Variants in ARHGAP39 observed in about 807,000 individuals in gnomAD.
ARHGAP39 encodes the protein Rho GTPase activating protein 39.
A neutral mutation model predicts 106.9 loss-of-function variants in ARHGAP39; 44 were observed. The ratio of observed to expected loss-of-function variants is 0.41; its 90% confidence interval spans 0.32 to 0.53. ARHGAP39 has a LOEUF of 0.53. ARHGAP39 is among the 20% of genes least tolerant of loss of function. The probability of loss-of-function intolerance (pLI) is 0.21; values close to 1 mark genes in which losing one functional copy is unlikely to be tolerated. For missense variants in ARHGAP39, 1,496 were observed against 1,577.3 expected (o/e 0.95, Z 0.87); for synonymous variants, 768 against 693.2 (o/e 1.11, Z -1.69).
At chr8:144,549,706 G>T (rs955623237) in intron 4 of ARHGAP39, among the ~76,000 whole-genome samples, 6 of 152,098 alleles carry the variant, frequency 3.9e-5, no homozygotes, top group African/African-American at 1.2e-4. Context: ...TGTTGGCCAG[G>T]CTGGTCCCGA....
At chr8:144,565,634 G>C in intron 3 of ARHGAP39, among the ~76,000 whole-genome samples, 1 of 152,080 alleles carries the variant, frequency 6.6e-6, no homozygotes, top group Non-Finnish European at 1.5e-5. Flanking sequence ...GGTGCAGTGA[G>C]CTGAGATTGC....
rs756409961 is a variant in ARHGAP39 at position 144,530,393 on chromosome 8, G to A, written c.*29C>T. On this transcript the variant is annotated 3_prime_UTR_variant, in exon 12 of 12. Coordinates refer to ENST00000377307, the MANE Select transcript of ARHGAP39 (RefSeq NM_025251.3). ...AGTTCGGCCTGGCTGGGGGCGGCAG[G>A]ACATCCCTCCTGTCCCCGGGCGCCC... 9 of 1,565,756 alleles carry A rather than the reference G, an allele frequency of 5.7e-6. No homozygotes were observed. The highest frequency in any genetic ancestry group is 1.8e-4 in the Middle Eastern group (1 of 5,680).
At chr8:144,616,536 C>T (rs1430214599) in intron 1 of ARHGAP39, among the ~76,000 whole-genome samples, 1 of 152,212 alleles carries the variant, frequency 6.6e-6, no homozygotes, top group Non-Finnish European at 1.5e-5. Flanking sequence ...TGACCCCCTC[C>T]AAGCTGAGCC....
chr8:144,545,276 G>A lies in ARHGAP39; in HGVS notation c.2494C>T (p.His832Tyr). ...HSYLEGYIYRHMDPVNDTKVT... is the reference protein window; with the variant it reads ...HSYLEGYIYRYMDPVNDTKVT... ...TTAGTGTCATTGACGGGGTCCATGTGCCGGTAGATGTAGCCTTCCAGGTAG... is the reference window on the plus strand; with the variant it reads ...TTAGTGTCATTGACGGGGTCCATGTACCGGTAGATGTAGCCTTCCAGGTAG... The change falls in exon 6 of 12, where the codon CAC becomes TAC. Residue 832 changes from histidine to tyrosine, a missense_variant. His to Tyr is a moderately conservative substitution (Grantham distance 83). Transcript: ENST00000377307. 1 of 1,556,634 alleles carries A rather than the reference G, an allele frequency of 6.4e-7. No individual in the cohort carries two copies. Among genetic ancestry groups the A allele is most frequent in the Non-Finnish European group, 8.7e-7 (1 of 1,145,382 alleles).
intron 2 of ARHGAP39, among the ~76,000 whole-genome samples, chr8:144,597,614 T>G (rs1819670647): frequency 1.3e-5 from 2 of 152,168 alleles, no homozygotes; most frequent in South Asian, 4.1e-4. Flanking sequence ...GGGTCAAGAC[T>G]GTAATCAATG....
intron 1 of ARHGAP39, among the ~76,000 whole-genome samples, chr8:144,669,556 C>CA (rs1432579212): frequency 7.3e-6 from 1 of 137,320 alleles, no homozygotes; most frequent in African/African-American, 2.8e-5. Context: ...TTATGTACTG[C>CA]AAAAAATAAA....
intron 1 of ARHGAP39, among the ~76,000 whole-genome samples, chr8:144,655,138 A>AG (rs1198942966): frequency 6.6e-6 from 1 of 152,146 alleles, no homozygotes; most frequent in Non-Finnish European, 1.5e-5. Context: ...CCTGAGTGGA[A>AG]GGGGGCAGGT....
chr8:144,548,670 CTG>C lies in ARHGAP39; in HGVS notation c.597-183_597-182del, dbSNP rs1179242166. On this transcript the variant is annotated intron_variant, in intron 4 of 11. Transcript: ENST00000377307. This position sits in a 1 kb window ranked among gnomAD's most constrained non-coding sequence, Gnocchi z 7.4. ...TGCCCCAGCACCCCCAGCCCTCCCT[CTG>C]GGGCTCTCCTGGAGCTGCCGCCCAC... Among the ~76,000 whole-genome samples the C allele has an allele frequency of 1.2e-4, 18 of 152,336 alleles. No individual in the cohort carries two copies. The highest frequency in any genetic ancestry group is 2.1e-4 in the South Asian group (1 of 4,832).
chr8:144,537,204 G>A (rs1242413694), intron 7 of ARHGAP39, among the ~76,000 whole-genome samples: 1 of 152,046 alleles, frequency 6.6e-6, no homozygotes, highest in Non-Finnish European at 1.5e-5. Context: ...TGGTGGGGAG[G>A]GTGGGGAAGC....
intron 1 of ARHGAP39, among the ~76,000 whole-genome samples, chr8:144,629,147 G>T (rs778968114): frequency 6.6e-6 from 1 of 152,206 alleles, no homozygotes; most frequent in Non-Finnish European, 1.5e-5. Flanking sequence ...TCAGCTACAT[G>T]AGTTGCAAAC....
intron 1 of ARHGAP39, among the ~76,000 whole-genome samples, chr8:144,619,058 G>A (rs1820714055): frequency 6.6e-6 from 1 of 152,128 alleles, no homozygotes; most frequent in Admixed American, 6.5e-5. Flanking sequence ...AGCAGGACAG[G>A]CCCAGAGAGC....
intron 1 of ARHGAP39, among the ~76,000 whole-genome samples, chr8:144,621,900 C>T (rs1820816775): frequency 6.6e-6 from 1 of 152,222 alleles, no homozygotes; most frequent in Admixed American, 6.5e-5. Flanking sequence ...AAGATGTGGT[C>T]GGCTCAGTGC....
At chr8:144,572,358 C>G (rs1248472784) in intron 3 of ARHGAP39, among the ~76,000 whole-genome samples, 3 of 152,104 alleles carry the variant, frequency 2.0e-5, no homozygotes, top group African/African-American at 7.2e-5. Flanking sequence ...ACAAACCTTA[C>G]AAAAACAAGA....
At chr8:144,592,826 G>A (rs1433583124) in intron 2 of ARHGAP39, among the ~76,000 whole-genome samples, 2 of 152,318 alleles carry the variant, frequency 1.3e-5, no homozygotes, top group East Asian at 3.9e-4. Flanking sequence ...GGCTGGAGCT[G>A]GACCTCAAGG....
rs996242363 is a variant in ARHGAP39, at chr8:144,645,996, G to A, written c.-82+39690C>T. Among the ~76,000 whole-genome samples the A allele has an allele frequency of 2.3e-4, 35 of 152,202 alleles. No individual in the cohort carries two copies. The highest frequency in any genetic ancestry group is 8.0e-4 in the African/African-American group (33 of 41,444). ...AGATGGCCCAGCTGGCTCTGTGGCCGAGGCAGGATAGCTAGAGAAGGTAAC... is the reference window on the plus strand; with the variant it reads ...AGATGGCCCAGCTGGCTCTGTGGCCAAGGCAGGATAGCTAGAGAAGGTAAC... On this transcript the variant is annotated intron_variant, in intron 1 of 11. Coordinates refer to ENST00000377307, the MANE Select transcript of ARHGAP39 (RefSeq NM_025251.3). The surrounding 1 kb of genome is among the most constrained non-coding windows in gnomAD (Gnocchi z 4.4).
chr8:144,558,747 T>C (rs1818035831), intron 3 of ARHGAP39, among the ~76,000 whole-genome samples: 1 of 152,104 alleles, frequency 6.6e-6, no homozygotes, highest in South Asian at 2.1e-4. Context: ...TGAGAAGTAA[T>C]ACAGAAAGGA....
Position 144,647,821 on chromosome 8 carries a change from G to A in ARHGAP39, c.-82+37865C>T, listed in dbSNP as rs1377479749. ...GAACCAGAGGGAACAATGGAGAACA[G>A]TGTTTCCAAGCAAAAGTGCACCCAT... On this transcript the variant is annotated intron_variant, in intron 1 of 11. Transcript: ENST00000377307. The surrounding 1 kb of genome is among the most constrained non-coding windows in gnomAD (Gnocchi z 4.8). 6.6e-5 allele frequency among the ~76,000 whole-genome samples: 10 copies of A among 152,376 alleles called. No homozygotes were observed. The South Asian group carries it at 8.3e-4, about 13-fold the overall frequency.
chr8:144,653,996 G>A (rs566478096), intron 1 of ARHGAP39, among the ~76,000 whole-genome samples: 115 of 152,322 alleles, frequency 7.5e-4, no homozygotes, highest in African/African-American at 2.7e-3. Context: ...ACGTGAGCAC[G>A]GCTGTCTGGA....
intron 2 of ARHGAP39, 142 bp from the exon 3 acceptor site, chr8:144,581,419 C>T (rs1009544536): frequency 7.2e-5 from 71 of 988,598 alleles, no homozygotes; most frequent in Middle Eastern, 3.3e-4. Flanking sequence ...CCCAGTCCGC[C>T]CCTGACTGCT....
Sources: gnomAD v4.1 joint callset for allele counts (sites outside exome capture counted in the v4.1 genomes callset) on GRCh38, gnomAD v4.1.1 for gene constraint, Gnocchi (gnomAD v3.1) non-coding constraint, MANE v1.5 for transcripts, NCBI Gene and HGNC (gene_info 2026-07-23, HGNC 2026-07-21) for gene names.